Variants in DCDC1 observed in about 807,000 individuals in gnomAD.
The protein encoded by DCDC1 is doublecortin domain-containing protein 1.
A neutral mutation model predicts 178.3 loss-of-function variants in DCDC1; 200 were observed. The ratio of observed to expected loss-of-function variants is 1.12; its 90% CI spans 1.00 to 1.26. DCDC1 has a LOEUF of 1.26. Among genes scored for constraint, DCDC1 ranks in the 50% most tolerant of loss-of-function variants. The probability of loss-of-function intolerance (pLI) is 0.00; values close to 1 mark genes in which losing one functional copy is unlikely to be tolerated. For synonymous variants in DCDC1, 690 were observed against 604.8 expected, an observed-to-expected ratio of 1.14 and a Z score of -2.07; for missense variants, 1,983 against 1,749.2, an observed-to-expected ratio of 1.13 and a Z score of -2.38.
At position 31,102,176 on chromosome 11, in the gene DCDC1, C is replaced by G. The variant is rs1021401140; in HGVS notation, c.1983+1G>C. The stretch of plus-strand genomic sequence containing the variant: ...TTAAAGTACAATAACTAAAATCCCA[C>G]CTTGTTCTGTAGAAAATGGTTCTCC... On this transcript the variant is annotated splice_donor_variant, in intron 15 of 38. Transcript: ENST00000684477. LOFTEE classifies it high-confidence loss of function. The G allele has an allele frequency of 8.5e-6, 6 of 707,238 alleles. No homozygotes were observed. The African/African-American group carries it at 1.0e-4, about 12-fold the overall frequency. The allele number at this position is 707,238 out of a possible 1,614,324, so 43.8% of individuals were successfully genotyped here. A position where few individuals can be genotyped will look rare whatever the true frequency, so the allele number is the denominator to read the frequency against.
chr11:31,355,934 C>G (rs1951326144), intron 1 of DCDC1, among the ~76,000 whole-genome samples: 1 of 152,062 alleles, frequency 6.6e-6, no homozygotes, highest in Non-Finnish European at 1.5e-5. Flanking sequence ...TGCTCCCAGG[C>G]TAGTAAGGGA....
chr11:31,347,953 C>T (rs1169347327), intron 1 of DCDC1, among the ~76,000 whole-genome samples: 1 of 152,152 alleles, frequency 6.6e-6, no homozygotes, highest in East Asian at 1.9e-4. Flanking sequence ...GTGACAAGAT[C>T]ATAAATTGTT....
intron 9 of DCDC1, among the ~76,000 whole-genome samples, chr11:31,164,722 G>A (rs1156371058): frequency 1.3e-5 from 2 of 152,054 alleles, no homozygotes; most frequent in East Asian, 3.9e-4. Flanking sequence ...TGTTACAGAA[G>A]CTAAGGTAAT....
At chr11:30,949,763 C>G (rs1357138496) in intron 21 of DCDC1, among the ~76,000 whole-genome samples, 1 of 151,462 alleles carries the variant, frequency 6.6e-6, no homozygotes, top group Non-Finnish European at 1.5e-5. Flanking sequence ...GAACAGAAAA[C>G]CAAACACCGT....
At chr11:31,359,286 G>C (rs974617471) in intron 1 of DCDC1, among the ~76,000 whole-genome samples, 2 of 151,968 alleles carry the variant, frequency 1.3e-5, no homozygotes, top group African/African-American at 2.4e-5. Context: ...CCTTTGTTGT[G>C]ACATGGATGA....
At chr11:31,115,083 G>A (rs944693296) in intron 11 of DCDC1, among the ~76,000 whole-genome samples, 1 of 152,160 alleles carries the variant, frequency 6.6e-6, no homozygotes, top group Non-Finnish European at 1.5e-5. Context: ...TTCACAGAGA[G>A]TATTTGTGAA....
At chr11:30,972,290 A>C (rs1280387796) in intron 20 of DCDC1, among the ~76,000 whole-genome samples, 2 of 152,238 alleles carry the variant, frequency 1.3e-5, no homozygotes, top group African/African-American at 4.8e-5. Flanking sequence ...GTTTCTTAGT[A>C]GAAACATTAT....
chr11:31,047,954 G>T (rs1954966705), intron 20 of DCDC1, among the ~76,000 whole-genome samples: 1 of 152,084 alleles, frequency 6.6e-6, no homozygotes, highest in African/African-American at 2.4e-5. Context: ...ACTAACAATA[G>T]CACATTATTA....
At chr11:31,065,269 T>C in intron 18 of DCDC1, 116 bp from the exon 19 acceptor site, 1 of 492,286 alleles carries the variant, frequency 2.0e-6, no homozygotes, top group Non-Finnish European at 3.6e-6. Context: ...GTCTGGCTAA[T>C]AAACTTTGTA....
chr11:31,131,297 AAAG>A (rs1436456580), intron 10 of DCDC1, among the ~76,000 whole-genome samples: 2 of 152,130 alleles, frequency 1.3e-5, no homozygotes, highest in African/African-American at 2.4e-5. Flanking sequence ...GAAGAAAGAG[AAAG>A]AAGATGTGAA....
At chr11:30,917,943 A>G (rs1163213341) in intron 25 of DCDC1, among the ~76,000 whole-genome samples, 2 of 152,208 alleles carry the variant, frequency 1.3e-5, no homozygotes. Flanking sequence ...CAAATGTAAT[A>G]GAAGTATTAC....
At chr11:31,219,572 T>C (rs538356098) in intron 9 of DCDC1, among the ~76,000 whole-genome samples, 42 of 152,300 alleles carry the variant, frequency 2.8e-4, no homozygotes, top group Non-Finnish European at 4.1e-4. Context: ...AAGAGTTAAA[T>C]TTAGTCAAAG....
intron 1 of DCDC1, among the ~76,000 whole-genome samples, chr11:31,358,794 C>G (rs1486050547): frequency 3.9e-5 from 6 of 152,176 alleles, no homozygotes; most frequent in Admixed American, 6.5e-5. Context: ...AGACACTTCT[C>G]AAAAGAAGAC....
In DCDC1 at chr11:31,312,233, C is replaced by T. The variant is rs563443107; in HGVS notation, c.165-4325G>A. 3.9e-5 allele frequency among the ~76,000 whole-genome samples: 6 copies of T among 152,260 alleles called. No homozygotes were observed. The East Asian group carries it at 9.6e-4, about 24-fold the overall frequency. ...CATATTGACAATGATAGTAACAATACTAATAGCTAATGCCTACATAGCATT... is the reference window on the plus strand; with the variant it reads ...CATATTGACAATGATAGTAACAATATTAATAGCTAATGCCTACATAGCATT... On this transcript the variant is annotated intron_variant, in intron 3 of 38. Coordinates refer to ENST00000684477, the MANE Select transcript of DCDC1 (RefSeq NM_001387274.1).
intron 18 of DCDC1, among the ~76,000 whole-genome samples, chr11:31,075,270 C>T (rs779010968): frequency 6.6e-6 from 1 of 152,142 alleles, no homozygotes; most frequent in African/African-American, 2.4e-5. Flanking sequence ...ATATATACCA[C>T]ATTTTCTTGT....
intron 34 of DCDC1, among the ~76,000 whole-genome samples, chr11:30,894,846 A>T (rs913625730): frequency 6.6e-6 from 1 of 151,758 alleles, no homozygotes; most frequent in African/African-American, 2.4e-5. Context: ...AGAGACAGGA[A>T]TTTTTTTTTC....
At chr11:30,958,987 T>C (rs572074737) in intron 20 of DCDC1, among the ~76,000 whole-genome samples, 7 of 152,228 alleles carry the variant, frequency 4.6e-5, no homozygotes, top group Non-Finnish European at 4.4e-5. Context: ...TAGTCTAGTA[T>C]GGGCAAATAC....
At chr11:30,968,550 T>C (rs1205650082) in intron 20 of DCDC1, among the ~76,000 whole-genome samples, 2 of 151,390 alleles carry the variant, frequency 1.3e-5, no homozygotes, top group South Asian at 2.1e-4. Context: ...GTTATTGCTA[T>C]TGCATTACTG....
At chr11:30,894,871 CT>C (rs1434619368) in intron 34 of DCDC1, among the ~76,000 whole-genome samples, 1 of 152,074 alleles carries the variant, frequency 6.6e-6, no homozygotes, top group Non-Finnish European at 1.5e-5. Context: ...TAATAATACC[CT>C]GCGAGCACGA....
Sources: gnomAD v4.1 joint callset for allele counts (sites outside exome capture counted in the v4.1 genomes callset) on GRCh38, gnomAD v4.1.1 for gene constraint, MANE v1.5 for transcripts, NCBI Gene and HGNC (gene_info 2026-07-23, HGNC 2026-07-21) for gene names.